The following CHAF1A variants were observed in gnomAD, a reference collection of about 807,000 sequenced individuals.
CHAF1A encodes the protein CAF-1 subunit A.
In CHAF1A, 5 loss-of-function variants were observed where a neutral mutation model predicts 93.2. The ratio of observed to expected loss-of-function variants is 0.05; its 90% CI spans 0.03 to 0.11. CHAF1A has a LOEUF of 0.11. Among genes scored for constraint, CHAF1A ranks in the 10% least tolerant of loss-of-function variants. The pLI is 1.00. For missense variants in CHAF1A, 1,102 were observed against 1,259.9 expected, an observed-to-expected ratio of 0.87 and a Z score of 1.90; for synonymous variants, 504 against 510.3, an observed-to-expected ratio of 0.99 and a Z score of 0.17.
At chr19:4,418,448 C>A (rs1973933437) in intron 4 of CHAF1A, among the ~76,000 whole-genome samples, 1 of 135,828 alleles carries the variant, frequency 7.4e-6, no homozygotes, top group Admixed American at 8.9e-5. Flanking sequence ...CAGAGTCTCG[C>A]TCTGCCACCC....
chr19:4,437,735 T>TTTTTATTTTA lies in CHAF1A; in HGVS notation c.2673+4211_2673+4220dup, dbSNP rs55965925. On this transcript the variant is annotated intron_variant, in intron 13 of 14. Transcript: ENST00000301280. ...TTTCCCAATTTGAAAGTTTTCATCT[T>TTTTTATTTTA]TTTTATTTTATTTTATTTTATTTTG... 5.4e-3 allele frequency among the ~76,000 whole-genome samples: 807 copies of TTTTTATTTTA among 149,162 alleles called. 2 individuals carry two copies. Among genetic ancestry groups the TTTTTATTTTA allele is most frequent in the Non-Finnish European group, 8.2e-3 (555 of 67,458 alleles).
intron 10 of CHAF1A, among the ~76,000 whole-genome samples, chr19:4,430,324 C>T (rs763702772): frequency 3.3e-5 from 5 of 152,038 alleles, no homozygotes; most frequent in East Asian, 1.9e-4. Flanking sequence ...ATTATAGGTG[C>T]GTGCCACCAT....
chr19:4,442,840 C>A, intron 14 of CHAF1A, 85 bp from the exon 15 acceptor site: 1 of 1,002,334 alleles, frequency 1.0e-6, no homozygotes, highest in Non-Finnish European at 1.4e-6. Context: ...TTGTTGCAGG[C>A]CCCATGAGGC....
intron 7 of CHAF1A, among the ~76,000 whole-genome samples, chr19:4,424,180 A>G (rs1031646605): frequency 2.0e-5 from 3 of 152,232 alleles, no homozygotes; most frequent in Non-Finnish European, 4.4e-5. Context: ...CTTAGGCTTA[A>G]GGAGGGAGCA....
chr19:4,411,218 C>T (rs1973791634), intron 3 of CHAF1A, among the ~76,000 whole-genome samples: 1 of 151,968 alleles, frequency 6.6e-6, no homozygotes, highest in African/African-American at 2.4e-5. Flanking sequence ...GGATTTTGAG[C>T]TCTAAGGAAC....
intron 1 of CHAF1A, among the ~76,000 whole-genome samples, chr19:4,403,776 G>T (rs1394384341): frequency 6.6e-6 from 1 of 152,252 alleles, no homozygotes; most frequent in African/African-American, 2.4e-5. Flanking sequence ...CTAGCCTGTG[G>T]GATTTCCCGG....
intron 11 of CHAF1A, among the ~76,000 whole-genome samples, chr19:4,431,677 C>T (rs1974185523): frequency 6.6e-6 from 1 of 152,128 alleles, no homozygotes; most frequent in Non-Finnish European, 1.5e-5. Context: ...ATCACACATT[C>T]ACCAGAAAAT....
At chr19:4,419,040 T>TTC (rs1372940715) in intron 4 of CHAF1A, among the ~76,000 whole-genome samples, 1 of 146,858 alleles carries the variant, frequency 6.8e-6, no homozygotes, top group East Asian at 2.0e-4. Context: ...TTTTTTTTTT[T>TTC]TTTTTTTTTT....
chr19:4,445,262 T>C (rs1974480980), downstream of CHAF1A: 1 of 555,982 alleles, frequency 1.8e-6, no homozygotes, highest in Non-Finnish European at 3.1e-6. Flanking sequence ...GGGCTTAGAT[T>C]TGTTGGTGTC....
In CHAF1A at chr19:4,433,559, T is replaced by G. The variant is rs1599659774; in HGVS notation, c.2673+20T>G. 2.0e-6 allele frequency: 3 copies of G among 1,524,564 alleles called. No individual in the cohort carries two copies. The South Asian group carries it at 3.6e-5, about 18-fold the overall frequency. The allele number at this position is 1,524,564 out of a possible 1,614,324, so 94.4% of individuals were successfully genotyped here. On this transcript the variant is annotated intron_variant, in intron 13 of 14. Coordinates refer to ENST00000301280, the MANE Select transcript of CHAF1A (RefSeq NM_005483.3). The surrounding 1 kb of genome is among the most constrained non-coding windows in gnomAD (Gnocchi z 5.6). ...GGCCAGGTGAGGTGGGGTGGGCAGG[T>G]GGGGGCCTCTGCAGGGCTTTTCTTT...
intron 4 of CHAF1A, 103 bp downstream of exon 4, chr19:4,418,179 C>T (rs1045356563): frequency 2.8e-6 from 2 of 710,458 alleles, no homozygotes; most frequent in Non-Finnish European, 4.7e-6. Context: ...TTTACATTTT[C>T]CCCAGCCTTC....
rs1287671032 is a variant in CHAF1A at position 4,422,813 on chromosome 19, C to T, written c.1247+18C>T. 1 of 1,606,506 alleles carries T rather than the reference C, an allele frequency of 6.2e-7. No individual in the cohort carries two copies. The highest frequency in any genetic ancestry group is 8.5e-7 in the Non-Finnish European group (1 of 1,175,396). On this transcript the variant is annotated intron_variant, in intron 5 of 14. Coordinates refer to ENST00000301280, the MANE Select transcript of CHAF1A (RefSeq NM_005483.3). This position sits in a 1 kb window ranked among gnomAD's most constrained non-coding sequence, Gnocchi z 4.6. Reference sequence around the variant, plus strand: ...GCCCTGGAGTGAGTGTCCTTGGAGGCCATGCTGGGCCCGCCACCCTGCTGC... The same window carrying T: ...GCCCTGGAGTGAGTGTCCTTGGAGGTCATGCTGGGCCCGCCACCCTGCTGC...
rs1974007956 is a variant in CHAF1A at position 4,422,500 on chromosome 19, G to A, written c.1018-66G>A. On this transcript the variant is annotated intron_variant, in intron 4 of 14. Coordinates refer to ENST00000301280, the MANE Select transcript of CHAF1A (RefSeq NM_005483.3). This position sits in a 1 kb window ranked among gnomAD's most constrained non-coding sequence, Gnocchi z 4.6. ...TCCAGGCCGTGCTGTCCTCCATGCT[G>A]TGAACCGAGCTTCCTCCTGGGAGTT... 2.8e-6 allele frequency: 4 copies of A among 1,433,222 alleles called. No homozygotes were observed. Among genetic ancestry groups the A allele is most frequent in the South Asian group, 2.5e-5 (2 of 80,590 alleles). The allele number at this position is 1,433,222 out of a possible 1,614,324, so 88.8% of individuals were successfully genotyped here.
chr19:4,433,399 G>A lies in CHAF1A; in HGVS notation c.2533G>A (p.Val845Met). Residue 845 changes from valine to methionine, a missense_variant, in exon 13 of 15, where the codon GTG becomes ATG. Val to Met is a conservative substitution (Grantham distance 21). This residue lies in a region of CHAF1A where 76 missense variants were observed against 129.8 expected (regional missense o/e 0.59). Transcript: ENST00000301280. The surrounding 1 kb of genome is among the most constrained non-coding windows in gnomAD (Gnocchi z 5.6). Reference protein sequence around the residue: ...VPCQWSYVTSVPSAPKEDSGS... With the variant: ...VPCQWSYVTSMPSAPKEDSGS... ...GTGCCAGTGGAGCTATGTGACATCG[G>A]TGCCCTCGGCCCCCAAAGAGGACAG... The A allele has an allele frequency of 6.2e-7, 1 of 1,612,618 alleles. No individual in the cohort carries two copies. The highest frequency in any genetic ancestry group is 8.5e-7 in the Non-Finnish European group (1 of 1,178,830).
intron 3 of CHAF1A, among the ~76,000 whole-genome samples, chr19:4,413,122 G>A (rs1973837093): frequency 6.6e-6 from 1 of 151,956 alleles, no homozygotes; most frequent in South Asian, 2.1e-4. Flanking sequence ...GCCCAGGTTG[G>A]AGTGCAATGG....
chr19:4,426,691 C>G (rs1974087513), intron 7 of CHAF1A, among the ~76,000 whole-genome samples: 1 of 151,422 alleles, frequency 6.6e-6, no homozygotes, highest in Non-Finnish European at 1.5e-5. Flanking sequence ...TCAGGCTTGT[C>G]TTGAACTACT....
At chr19:4,440,223 CAG>C (rs1321527037) in intron 13 of CHAF1A, among the ~76,000 whole-genome samples, 1 of 152,132 alleles carries the variant, frequency 6.6e-6, no homozygotes, top group African/African-American at 2.4e-5. Flanking sequence ...TGTTCATGCA[CAG>C]AGAGGGTAAG....
intron 11 of CHAF1A, 196 bp downstream of exon 11, chr19:4,430,837 G>C: frequency 1.7e-6 from 1 of 578,658 alleles, no homozygotes; most frequent in Non-Finnish European, 3.1e-6. Context: ...GGCAGACGTA[G>C]GAGGAGCTTG....
chr19:4,448,266 G>C (rs1974580547), downstream of CHAF1A: 3 of 1,487,874 alleles, frequency 2.0e-6, no homozygotes. Context: ...AGTGGGAGGG[G>C]TGCTGGGATG....
Sources: allele counts gnomAD v4.1 joint callset (sites outside exome capture counted in the v4.1 genomes callset), GRCh38; gene constraint gnomAD v4.1.1; regional missense constraint gnomAD v4.1.1; non-coding constraint Gnocchi (gnomAD v3.1); transcripts MANE v1.5; gene names NCBI Gene and HGNC (gene_info 2026-07-23, HGNC 2026-07-21).